The following WDR27 variants were observed in gnomAD, a reference collection of about 807,000 sequenced individuals.
The protein encoded by WDR27 is WD repeat domain 27, also known as WD repeat-containing protein 27.
A neutral mutation model predicts 114.4 loss-of-function variants in WDR27; 100 were observed. That is an observed-to-expected ratio of 0.87 (90% CI 0.74 to 1.03). The LOEUF is 1.03. Among genes scored for constraint, WDR27 ranks in the 50% least tolerant of loss-of-function variants. The probability of loss-of-function intolerance (pLI) is 0.00; values close to 1 mark genes in which losing one functional copy is unlikely to be tolerated. For synonymous variants in WDR27, 449 were observed against 423.1 expected, an observed-to-expected ratio of 1.06 and a Z score of -0.75; for missense variants, 1,129 against 1,092.9, an observed-to-expected ratio of 1.03 and a Z score of -0.47.
chr6:169,450,047 A>G, the WDR27 span, among the ~76,000 whole-genome samples: 1 of 152,186 alleles, frequency 6.6e-6, no homozygotes, highest in Non-Finnish European at 1.5e-5. Context: ...ACACTCACCA[A>G]AATCTATTCT....
chr6:169,518,396 C>T (rs1189394615), intron 25 of WDR27, among the ~76,000 whole-genome samples: 1 of 152,262 alleles, frequency 6.6e-6, no homozygotes, highest in Non-Finnish European at 1.5e-5. Flanking sequence ...CTAGGCCAAG[C>T]CTCCTTCACT....
At chr6:169,579,832 A>C (rs569879512) in intron 24 of WDR27, among the ~76,000 whole-genome samples, 1 of 152,202 alleles carries the variant, frequency 6.6e-6, no homozygotes, top group South Asian at 2.1e-4. Flanking sequence ...TGCTCGAAAA[A>C]ACCTGCTCTT....
At chr6:169,449,588 C>T in the WDR27 span, among the ~76,000 whole-genome samples, 1 of 152,214 alleles carries the variant, frequency 6.6e-6, no homozygotes. Context: ...GCAGTCCTTT[C>T]CCCTGCCTGC....
chr6:169,656,600 G>A (rs1008290406), intron 13 of WDR27, among the ~76,000 whole-genome samples: 2 of 152,076 alleles, frequency 1.3e-5, no homozygotes, highest in South Asian at 2.1e-4. Flanking sequence ...GAGGGATCAC[G>A]TGAGGAGGCC....
chr6:169,466,095 G>T (rs1293250102), intron 25 of WDR27, among the ~76,000 whole-genome samples: 1 of 152,186 alleles, frequency 6.6e-6, no homozygotes, highest in African/African-American at 2.4e-5. Context: ...TTTGTAATGG[G>T]GTTTCAGGTC....
chr6:169,636,509 A>G lies in WDR27; in HGVS notation c.1870-5T>C. The G allele has an allele frequency of 6.3e-7, 1 of 1,596,098 alleles. No homozygotes were observed. The highest frequency in any genetic ancestry group is 8.5e-7 in the Non-Finnish European group (1 of 1,172,236). The stretch of plus-strand genomic sequence containing the variant: ...TTTAGAAAACATGTCTTTGCCCTGT[A>G]ATGCAAATCAGTAATTACTGTCAAT... On this transcript the variant is annotated splice_region_variant and splice_polypyrimidine_tract_variant and intron_variant, in intron 18 of 25. Coordinates refer to ENST00000448612, the MANE Select transcript of WDR27 (RefSeq NM_182552.5).
the WDR27 span, among the ~76,000 whole-genome samples, chr6:169,441,017 G>A: frequency 1.3e-5 from 2 of 151,844 alleles, no homozygotes; most frequent in African/African-American, 2.4e-5. Flanking sequence ...TTTAAGCTCT[G>A]TTCTTGTGTT....
intron 13 of WDR27, among the ~76,000 whole-genome samples, chr6:169,656,236 T>C (rs986837581): frequency 2.6e-5 from 4 of 151,278 alleles, no homozygotes; most frequent in African/African-American, 9.7e-5. Context: ...AAAAACCAAT[T>C]AGGGAGGAGT....
chr6:169,499,875 C>A (rs549478615), intron 25 of WDR27, among the ~76,000 whole-genome samples: 3 of 152,310 alleles, frequency 2.0e-5, no homozygotes, highest in East Asian at 3.9e-4. Context: ...AGCTGCAGAA[C>A]CCATGCATGT....
At chr6:169,439,682 T>G in the WDR27 span, among the ~76,000 whole-genome samples, 2 of 152,104 alleles carry the variant, frequency 1.3e-5, no homozygotes, top group South Asian at 4.1e-4. Context: ...TTAAGAAAAC[T>G]TTCTTTCTTG....
At chr6:169,612,974 T>C (rs775056623) in intron 22 of WDR27, among the ~76,000 whole-genome samples, 42 of 152,344 alleles carry the variant, frequency 2.8e-4, no homozygotes, top group Non-Finnish European at 4.3e-4. Flanking sequence ...TATTGTTATA[T>C]CAAGAATTCC....
At chr6:169,570,658 G>A (rs1323027832) in intron 25 of WDR27, among the ~76,000 whole-genome samples, 5 of 152,070 alleles carry the variant, frequency 3.3e-5, no homozygotes, top group African/African-American at 1.2e-4. Context: ...GTGAAACCTC[G>A]TCTCTACTAA....
chr6:169,434,287 G>A, the WDR27 span, among the ~76,000 whole-genome samples: 1 of 152,172 alleles, frequency 6.6e-6, no homozygotes, highest in African/African-American at 2.4e-5. Flanking sequence ...AAGGGGTTCA[G>A]TTTCTGTTTT....
rs147661732 is a variant in WDR27 at position 169,471,590 on chromosome 6, T to C, written c.2646-13956A>G. 1.4e-4 allele frequency among the ~76,000 whole-genome samples: 21 copies of C among 152,320 alleles called. No homozygotes were observed. In the East Asian group the frequency reaches 1.5e-3, roughly 11 times the overall value. On this transcript the variant is annotated intron_variant, in intron 25 of 25. Coordinates refer to ENST00000448612, the MANE Select transcript of WDR27 (RefSeq NM_182552.5). The stretch of plus-strand genomic sequence containing the variant: ...TATGTCATCTGAAAACAGGTGTCCA[T>C]AGAAAAGAACCACAGTGGTATGACA...
At chr6:169,481,579 C>T (rs1279699596) in intron 25 of WDR27, among the ~76,000 whole-genome samples, 8 of 152,226 alleles carry the variant, frequency 5.3e-5, no homozygotes, top group African/African-American at 1.9e-4. Flanking sequence ...AGCTTCACTC[C>T]TGAGGCCAGT....
chr6:169,595,089 C>A (rs781023769), intron 23 of WDR27, among the ~76,000 whole-genome samples: 7 of 152,192 alleles, frequency 4.6e-5, no homozygotes, highest in Non-Finnish European at 7.3e-5. Flanking sequence ...TGGATTGAGA[C>A]CAGAAGTTCA....
chr6:169,511,630 C>T (rs146619198), intron 25 of WDR27, among the ~76,000 whole-genome samples: 1 of 152,038 alleles, frequency 6.6e-6, no homozygotes, highest in African/African-American at 2.4e-5. Flanking sequence ...TAAGTACATA[C>T]ATAATATCCT....
chr6:169,506,212 T>A (rs1196041594), intron 25 of WDR27, among the ~76,000 whole-genome samples: 1 of 152,218 alleles, frequency 6.6e-6, no homozygotes, highest in East Asian at 1.9e-4. Context: ...TTTGTTTTCC[T>A]TTTGATGGGA....
intron 25 of WDR27, among the ~76,000 whole-genome samples, chr6:169,479,606 T>C (rs1787668509): frequency 6.6e-6 from 1 of 152,194 alleles, no homozygotes; most frequent in African/African-American, 2.4e-5. Flanking sequence ...CAAAATCCAA[T>C]TTAATGAGTT....
Sources: gnomAD v4.1 joint callset for allele counts (sites outside exome capture counted in the v4.1 genomes callset) on GRCh38, gnomAD v4.1.1 for gene constraint, MANE v1.5 for transcripts, NCBI Gene and HGNC (gene_info 2026-07-23, HGNC 2026-07-21) for gene names.